DST: variants seen among roughly 807,000 people sequenced by gnomAD.
DST encodes dystonin, also known as bullous pemphigoid antigen.
A neutral mutation model predicts 875.2 loss-of-function variants in DST; 253 were observed. The ratio of observed to expected loss-of-function variants is 0.29; its 90% CI spans 0.26 to 0.32. The LOEUF is 0.32. DST is among the 10% of genes least tolerant of loss of function. DST has a pLI of 1.00. For missense variants in DST, 8,287 were observed against 9,111.6 expected (o/e 0.91, Z 3.68); for synonymous variants, 3,124 against 3,197.1 (o/e 0.98, Z 0.77).
chr6:56,543,780 T>C (rs1408948559), intron 61 of DST, among the ~76,000 whole-genome samples: 3 of 152,158 alleles, frequency 2.0e-5, no homozygotes, highest in Admixed American at 2.0e-4. Flanking sequence ...TTTGTTAATT[T>C]TACAGAAAAG....
intron 90 of DST, among the ~76,000 whole-genome samples, chr6:56,480,018 C>G (rs2095347652): frequency 6.6e-6 from 1 of 152,164 alleles, no homozygotes; most frequent in Non-Finnish European, 1.5e-5. Flanking sequence ...ACCTCCTACT[C>G]TGGCATTTTG....
intron 92 of DST, among the ~76,000 whole-genome samples, chr6:56,475,434 C>CACAA (rs1554218118): frequency 1.4e-5 from 2 of 144,620 alleles, no homozygotes; most frequent in African/African-American, 2.5e-5. Flanking sequence ...CACACACACA[C>CACAA]AAAATAATGG....
chr6:56,560,285 G>T lies in DST; in HGVS notation c.14440+9C>A. 1 of 1,586,978 alleles carries T rather than the reference G, an allele frequency of 6.3e-7. No individual in the cohort carries two copies. Among genetic ancestry groups the T allele is most frequent in the Non-Finnish European group, 8.6e-7 (1 of 1,166,066 alleles). On this transcript the variant is annotated intron_variant, in intron 58 of 103. Coordinates refer to ENST00000680361, the MANE Select transcript of DST (RefSeq NM_001374736.1). The stretch of plus-strand genomic sequence containing the variant: ...CTTCATAGGCATTCATCTAAGTAAC[G>T]CAACATACCTATTTCTGTCAACATC...
At chr6:56,517,049 T>C (rs2096607581) in intron 71 of DST, 149 bp downstream of exon 71, 16 of 663,512 alleles carry the variant, frequency 2.4e-5, no homozygotes, top group Middle Eastern at 2.5e-4. Flanking sequence ...TGTTATTCTA[T>C]AAACTTGAAA....
chr6:56,906,044 G>T (rs1019003559), intron 2 of DST, among the ~76,000 whole-genome samples: 3 of 152,204 alleles, frequency 2.0e-5, no homozygotes. Context: ...GAACATAGGA[G>T]CATATATAAC....
chr6:56,640,895 T>G (rs2098891045), intron 17 of DST, among the ~76,000 whole-genome samples: 1 of 152,196 alleles, frequency 6.6e-6, no homozygotes, highest in African/African-American at 2.4e-5. Flanking sequence ...GCTAAAATTT[T>G]GCATCATGAT....
intron 4 of DST, among the ~76,000 whole-genome samples, chr6:56,752,800 G>GT (rs1430841671): frequency 8.6e-5 from 13 of 151,104 alleles, no homozygotes; most frequent in Admixed American, 2.6e-4. Flanking sequence ...TGTTTTTTTT[G>GT]TTTTTTTTGA....
intron 100 of DST, chr6:56,464,186 T>C (rs950775539): frequency 2.3e-5 from 7 of 309,510 alleles, no homozygotes; most frequent in Non-Finnish European, 4.4e-5. Context: ...ACTATTGAGG[T>C]AAAGAGAATG....
At chr6:56,466,368 T>A (rs538930112) in intron 98 of DST, 173 bp from the exon 99 acceptor site, 1 of 414,330 alleles carries the variant, frequency 2.4e-6, no homozygotes, top group East Asian at 3.5e-5. Context: ...GACGGCTGCA[T>A]GCTGATTTAG....
At chr6:56,815,719 C>G (rs2099765701) in intron 4 of DST, among the ~76,000 whole-genome samples, 1 of 152,068 alleles carries the variant, frequency 6.6e-6, no homozygotes, top group African/African-American at 2.4e-5. Flanking sequence ...ACAGCTGACC[C>G]TGAAAGTAGA....
At chr6:56,735,624 T>C (rs534873325) in intron 4 of DST, among the ~76,000 whole-genome samples, 2 of 151,686 alleles carry the variant, frequency 1.3e-5, no homozygotes, top group South Asian at 4.2e-4. Context: ...CCCAAAGCCC[T>C]TTACCATATG....
intron 4 of DST, among the ~76,000 whole-genome samples, chr6:56,824,556 A>G (rs1198146733): frequency 2.0e-5 from 3 of 149,174 alleles, no homozygotes; most frequent in Admixed American, 2.0e-4. Context: ...CATCTAGGAA[A>G]TGAGGAGCGT....
chr6:56,681,507 C>A (rs552413195), intron 9 of DST, among the ~76,000 whole-genome samples: 117 of 152,230 alleles, frequency 7.7e-4, no homozygotes, highest in Admixed American at 5.9e-4. Context: ...GAAGCCCCAG[C>A]TGATTCTGCC....
At chr6:56,700,997 T>TTTTGG (rs2099300898) in intron 8 of DST, among the ~76,000 whole-genome samples, 1 of 149,556 alleles carries the variant, frequency 6.7e-6, no homozygotes, top group Non-Finnish European at 1.5e-5. Flanking sequence ...TTTTTTTTTT[T>TTTTGG]GAGACAGGGT....
intron 2 of DST, among the ~76,000 whole-genome samples, chr6:56,933,022 GT>G (rs1270556096): frequency 2.6e-5 from 4 of 151,988 alleles, no homozygotes; most frequent in Admixed American, 1.3e-4. Flanking sequence ...TTCCTGAGTT[GT>G]TTTTCAGAAA....
At chr6:56,567,639 T>C (rs745533413) in intron 55 of DST, among the ~76,000 whole-genome samples, 1 of 151,906 alleles carries the variant, frequency 6.6e-6, no homozygotes, top group Non-Finnish European at 1.5e-5. Context: ...ATAATATGGG[T>C]AGTCCCTGAA....
At chr6:56,501,360 A>C (rs2096116727) in intron 79 of DST, 125 bp from the exon 80 acceptor site, 8 of 1,173,416 alleles carry the variant, frequency 6.8e-6, no homozygotes, top group Non-Finnish European at 9.2e-6. Flanking sequence ...AGTGAAGCCT[A>C]ATCATCATAT....
At chr6:56,942,706 C>CTTTTTT (rs67354752) in intron 2 of DST, among the ~76,000 whole-genome samples, 2 of 65,996 alleles carry the variant, frequency 3.0e-5, no homozygotes, top group Middle Eastern at 0.01. Flanking sequence ...TGCCATTTCT[C>CTTTTTT]TTTTTTTTTT....
intron 1 of DST, 102 bp from the exon 2 acceptor site, chr6:56,953,921 C>T: frequency 1.3e-6 from 1 of 748,492 alleles, no homozygotes; most frequent in Non-Finnish European, 2.0e-6. Flanking sequence ...GAAAGCACAT[C>T]GCAGACTCCT....
Sources: gnomAD v4.1 joint callset for allele counts (sites outside exome capture counted in the v4.1 genomes callset) on GRCh38, gnomAD v4.1.1 for gene constraint, MANE v1.5 for transcripts, NCBI Gene and HGNC (gene_info 2026-07-23, HGNC 2026-07-21) for gene names.